The following TDRD10 variants were observed in gnomAD, a reference collection of about 807,000 sequenced individuals.
The protein encoded by TDRD10 is tudor domain containing 10.
In TDRD10, 40 loss-of-function variants were observed where a neutral mutation model predicts 48.0. The ratio of observed to expected loss-of-function variants is 0.83; its 90% CI spans 0.65 to 1.09. The LOEUF (loss-of-function observed/expected upper bound fraction) is 1.09, where lower values mean the gene tolerates loss of function less well. TDRD10 is among the 50% of genes least tolerant of loss of function. TDRD10 has a pLI of 0.00. For missense variants in TDRD10, 378 were observed against 434.7 expected, an observed-to-expected ratio of 0.87 and a Z score of 1.16; for synonymous variants, 162 against 170.4, an observed-to-expected ratio of 0.95 and a Z score of 0.38.
chr1:154,542,754 G>C lies in TDRD10; in HGVS notation c.436G>C (p.Ala146Pro). 6.2e-7 allele frequency: 1 copy of C among 1,613,868 alleles called. No individual in the cohort carries two copies. The highest frequency in any genetic ancestry group is 8.5e-7 in the Non-Finnish European group (1 of 1,179,864). ...AGCTATTATACAGCTCGCTCCTAAA[G>C]CTCCTGTTGACCTGTGTGAGACAGA... ...TAAIIQLAPK[A>P]PVDLCETEKL... is the part of the protein sequence containing the mutation. Residue 146 changes from alanine to proline, a missense_variant, in exon 8 of 13, where the codon GCT becomes CCT. Ala to Pro is a conservative substitution (Grantham distance 27). Transcript: ENST00000368482.
intron 7 of TDRD10, 50 bp from the exon 8 acceptor site, chr1:154,542,681 C>G: frequency 6.6e-7 from 1 of 1,505,628 alleles, no homozygotes; most frequent in Non-Finnish European, 9.2e-7. Context: ...GGGAGCAATT[C>G]CTCTCTGGGT....
chr1:154,506,839 C>T (rs1176349550), intron 1 of TDRD10, 38 bp from the exon 2 acceptor site: 3 of 1,571,494 alleles, frequency 1.9e-6, no homozygotes, highest in Non-Finnish European at 2.6e-6. Flanking sequence ...GGTGAACTAT[C>T]CTGGCATTCC....
At chr1:154,541,990 A>G in intron 6 of TDRD10, 34 bp from the exon 7 acceptor site, 1 of 1,611,994 alleles carries the variant, frequency 6.2e-7, no homozygotes, top group Non-Finnish European at 8.5e-7. Flanking sequence ...AAATGCCACC[A>G]TGGCTGAGTG....
chr1:154,503,721 C>T (rs1313903214), intron 1 of TDRD10, among the ~76,000 whole-genome samples: 1 of 152,200 alleles, frequency 6.6e-6, no homozygotes. Context: ...ACACTGAGTC[C>T]TCATATACAA....
chr1:154,531,630 T>A (rs1694625733), intron 6 of TDRD10, among the ~76,000 whole-genome samples: 1 of 152,306 alleles, frequency 6.6e-6, no homozygotes, highest in African/African-American at 2.4e-5. Context: ...AAAGGCAGTG[T>A]GGACCCGAAG....
chr1:154,521,399 A>C lies in TDRD10; in HGVS notation c.289A>C (p.Lys97Gln). Residue 97 changes from lysine (K) to glutamine (Q), a missense_variant, in exon 6 of 13, where the codon AAG becomes CAG. Physicochemically the swap from Lys to Gln is moderately conservative, Grantham distance 53. Around this residue, in one of 2 missense-constraint regions of TDRD10, gnomAD observed 310 missense variants for 323.6 expected, o/e 0.96. Coordinates refer to ENST00000368482, the MANE Select transcript of TDRD10 (RefSeq NM_182499.4). Reference protein sequence around the residue: ...IQELNGKLFHKRKLFVNTSKR... With the variant: ...IQELNGKLFHQRKLFVNTSKR... ...GGAGCTGAATGGTAAACTCTTCCAC[A>C]AGCGAAAACTGTTCGTGAATACAAG... The C allele has an allele frequency of 6.2e-7, 1 of 1,614,178 alleles. No homozygotes were observed. The highest frequency in any genetic ancestry group is 1.6e-4 in the Middle Eastern group (1 of 6,062).
At chr1:154,543,751 C>A (rs1695381981) in intron 8 of TDRD10, among the ~76,000 whole-genome samples, 1 of 152,200 alleles carries the variant, frequency 6.6e-6, no homozygotes, top group African/African-American at 2.4e-5. Context: ...CCTACGCCCC[C>A]AGAATGGCCC....
At chr1:154,505,212 A>T (rs1162744178) in intron 1 of TDRD10, among the ~76,000 whole-genome samples, 1 of 152,228 alleles carries the variant, frequency 6.6e-6, no homozygotes, top group Non-Finnish European at 1.5e-5. Context: ...AAAACGGGTT[A>T]ACAATGTCTC....
chr1:154,536,564 G>A (rs572314790), intron 6 of TDRD10, among the ~76,000 whole-genome samples: 34 of 152,320 alleles, frequency 2.2e-4, no homozygotes, highest in Non-Finnish European at 4.7e-4. Context: ...TTTACTTAAA[G>A]TGAACCCATT....
At chr1:154,534,825 G>A (rs931795731) in intron 6 of TDRD10, among the ~76,000 whole-genome samples, 10 of 150,468 alleles carry the variant, frequency 6.6e-5, no homozygotes, top group South Asian at 2.1e-4. Flanking sequence ...GGCACAACAC[G>A]CATCCAGGCA....
intron 4 of TDRD10, among the ~76,000 whole-genome samples, chr1:154,511,485 A>G (rs1693472129): frequency 6.6e-6 from 1 of 151,190 alleles, no homozygotes; most frequent in South Asian, 2.1e-4. Context: ...TACAAATATT[A>G]CTAATAATAC....
intron 6 of TDRD10, among the ~76,000 whole-genome samples, chr1:154,525,806 G>T (rs542164808): frequency 6.8e-6 from 1 of 147,066 alleles, no homozygotes; most frequent in East Asian, 2.1e-4. Flanking sequence ...GAGGCAGGGA[G>T]AATTGCTTGA....
intron 6 of TDRD10, among the ~76,000 whole-genome samples, chr1:154,532,914 C>T (rs184149731): frequency 1.3e-3 from 204 of 152,224 alleles, no homozygotes; most frequent in Non-Finnish European, 1.8e-3. Flanking sequence ...GACATCTTGG[C>T]GTGGATGGCT....
At chr1:154,526,728 C>T (rs1450540948) in intron 6 of TDRD10, among the ~76,000 whole-genome samples, 3 of 152,096 alleles carry the variant, frequency 2.0e-5, no homozygotes, top group East Asian at 1.9e-4. Context: ...GCTGGGATTA[C>T]AGGTGTGAGC....
At chr1:154,517,794 C>A (rs543223271) in intron 4 of TDRD10, among the ~76,000 whole-genome samples, 2 of 152,228 alleles carry the variant, frequency 1.3e-5, no homozygotes, top group African/African-American at 4.8e-5. Flanking sequence ...GTTTTTGCTT[C>A]CTCAAGCAGA....
intron 5 of TDRD10, among the ~76,000 whole-genome samples, chr1:154,520,852 C>T (rs1001698472): frequency 1.3e-5 from 2 of 152,198 alleles, no homozygotes; most frequent in Non-Finnish European, 2.9e-5. Flanking sequence ...ATCCTCCCAC[C>T]TCAGCCTCCG....
At chr1:154,531,780 AT>A (rs1694638502) in intron 6 of TDRD10, among the ~76,000 whole-genome samples, 1 of 152,026 alleles carries the variant, frequency 6.6e-6, no homozygotes, top group African/African-American at 2.4e-5. Flanking sequence ...CATCCTGCTG[AT>A]TGGTCCATTT....
intron 4 of TDRD10, among the ~76,000 whole-genome samples, chr1:154,519,618 G>A (rs1183053563): frequency 1.3e-5 from 2 of 152,230 alleles, no homozygotes; most frequent in African/African-American, 4.8e-5. Flanking sequence ...AGGCAGTCAG[G>A]AGGGAGTGGG....
Position 154,544,897 on chromosome 1 carries a change from C to A in TDRD10, c.900C>A (p.Ser300Arg), listed in dbSNP as rs371525896. 1 of 1,614,074 alleles carries A rather than the reference C, an allele frequency of 6.2e-7. No individual in the cohort carries two copies. The highest frequency in any genetic ancestry group is 8.5e-7 in the Non-Finnish European group (1 of 1,180,056). Residue 300 changes from serine (S) to arginine (R), a missense_variant, in exon 11 of 13, where the codon AGC becomes AGA. Coordinates refer to ENST00000368482, the MANE Select transcript of TDRD10 (RefSeq NM_182499.4). ...TGCAGTCTCTGCGCAGCCTAGACAGCGACGACTTCTGGACCATCCCACCCC... is the reference window on the plus strand; with the variant it reads ...TGCAGTCTCTGCGCAGCCTAGACAGAGACGACTTCTGGACCATCCCACCCC... ...IPVQSLRSLD[S>R]DDFWTIPPLT...
Sources: allele counts gnomAD v4.1 joint callset (sites outside exome capture counted in the v4.1 genomes callset), GRCh38; gene constraint gnomAD v4.1.1; regional missense constraint gnomAD v4.1.1; transcripts MANE v1.5; gene names NCBI Gene and HGNC (gene_info 2026-07-23, HGNC 2026-07-21).